MGMT: variants seen among roughly 807,000 people sequenced by gnomAD.
The protein encoded by MGMT is methylated-DNA--protein-cysteine methyltransferase.
MGMT carries 14 observed loss-of-function variants against 15.9 expected under a neutral mutation model. The ratio of observed to expected loss-of-function variants is 0.88; its 90% CI spans 0.58 to 1.37. The LOEUF (loss-of-function observed/expected upper bound fraction) is 1.37, where lower values mean the gene tolerates loss of function less well. Among genes scored for constraint, MGMT ranks in the 40% most tolerant of loss-of-function variants. The pLI is 0.00. For synonymous variants in MGMT, 130 were observed against 118.2 expected (o/e 1.10, Z -0.65); for missense variants, 282 against 268.1 (o/e 1.05, Z -0.36).
Position 129,665,257 on chromosome 10 carries a change from C to T in MGMT, c.126-42638C>T, listed in dbSNP as rs939706238. ...CCCCCAACTCACTTACCCCCACACCCGCTCACCCACCCATCCTCTCCCCTC... is the reference window on the plus strand; with the variant it reads ...CCCCCAACTCACTTACCCCCACACCTGCTCACCCACCCATCCTCTCCCCTC... On this transcript the variant is annotated intron_variant, in intron 2 of 4. Transcript: ENST00000651593. Among the ~76,000 whole-genome samples, 55 of 133,740 alleles carry T rather than the reference C, an allele frequency of 4.1e-4. No homozygotes were observed. In the East Asian group the frequency reaches 6.0e-3, roughly 15 times the overall value. 87.7% of individuals were successfully genotyped at this position (133,740 alleles called of 152,430 possible). A position where few individuals can be genotyped will look rare whatever the true frequency, so the allele number is the denominator to read the frequency against.
chr10:129,724,990 CTG>C (rs920067988), intron 3 of MGMT, among the ~76,000 whole-genome samples: 22 of 152,192 alleles, frequency 1.4e-4, no homozygotes, highest in African/African-American at 4.8e-4. Context: ...TCTGGGAGGT[CTG>C]TGAATTGTCA....
intron 3 of MGMT, among the ~76,000 whole-genome samples, chr10:129,756,820 TCCA>T (rs969994413): frequency 2.0e-5 from 3 of 152,216 alleles, no homozygotes; most frequent in African/African-American, 7.2e-5. Context: ...AAGTGATTGT[TCCA>T]GCTGCTGAGG....
At chr10:129,697,003 C>A (rs10829620) in intron 2 of MGMT, among the ~76,000 whole-genome samples, 3 of 152,040 alleles carry the variant, frequency 2.0e-5, no homozygotes, top group African/African-American at 7.2e-5. Context: ...GTTGTGTGGA[C>A]AGGTCACTGA....
chr10:129,505,376 TAG>T (rs1366256910), intron 1 of MGMT, among the ~76,000 whole-genome samples: 1 of 152,170 alleles, frequency 6.6e-6, no homozygotes, highest in Non-Finnish European at 1.5e-5. Flanking sequence ...CATGTTAAAA[TAG>T]GGGGCTGACA....
At chr10:129,672,049 G>A (rs545356665) in intron 2 of MGMT, among the ~76,000 whole-genome samples, 37 of 152,236 alleles carry the variant, frequency 2.4e-4, no homozygotes, top group African/African-American at 8.4e-4. Flanking sequence ...TACTTGTTTT[G>A]GAATGCCAGC....
rs190710818 is a variant in MGMT, at chr10:129,678,966, G to A, written c.126-28929G>A. Among the ~76,000 whole-genome samples, 44 of 152,034 alleles carry A rather than the reference G, an allele frequency of 2.9e-4. No individual in the cohort carries two copies. The East Asian group carries it at 6.8e-3, about 23-fold the overall frequency. On this transcript the variant is annotated intron_variant, in intron 2 of 4. Coordinates refer to ENST00000651593, the MANE Select transcript of MGMT (RefSeq NM_002412.5). ...TGCACACCTGTAATCCCAGCTACTC[G>A]GGAGGCTGAGGTGGGAGGATCGCTT...
chr10:129,654,931 A>G (rs1847507000), intron 2 of MGMT, among the ~76,000 whole-genome samples: 1 of 152,178 alleles, frequency 6.6e-6, no homozygotes, highest in Non-Finnish European at 1.5e-5. Context: ...GGGATTTCCC[A>G]CTGAAAATCA....
In MGMT at chr10:129,758,099, A is replaced by T. The variant is rs1185440367; in HGVS notation, c.275-1103A>T. On this transcript the variant is annotated intron_variant, in intron 3 of 4. Coordinates refer to ENST00000651593, the MANE Select transcript of MGMT (RefSeq NM_002412.5). ...ATTATGCTGATGTTTAATTTGCTTA[A>T]TGTTATAATAAAGACTAAACAGATT... Among the ~76,000 whole-genome samples, 3 of 152,224 alleles carry T rather than the reference A, an allele frequency of 2.0e-5. No individual in the cohort carries two copies. The East Asian group carries it at 5.8e-4, about 29-fold the overall frequency.
At chr10:129,761,583 T>C (rs931624851) in intron 4 of MGMT, among the ~76,000 whole-genome samples, 5 of 152,222 alleles carry the variant, frequency 3.3e-5, no homozygotes, top group African/African-American at 1.2e-4. Flanking sequence ...TCTCTATGAG[T>C]GTCTCTGTTC....
intron 3 of MGMT, among the ~76,000 whole-genome samples, chr10:129,742,939 C>T (rs1194329012): frequency 6.6e-6 from 1 of 152,242 alleles, no homozygotes; most frequent in Non-Finnish European, 1.5e-5. Flanking sequence ...TGCTCAGAGC[C>T]AGGTCATCAG....
intron 2 of MGMT, among the ~76,000 whole-genome samples, chr10:129,615,357 G>C (rs576615458): frequency 6.6e-6 from 1 of 152,076 alleles, no homozygotes; most frequent in Non-Finnish European, 1.5e-5. Context: ...CCACGGCCTC[G>C]TTCTTTTCCT....
At chr10:129,602,364 TTAA>T (rs1193682122) in intron 2 of MGMT, among the ~76,000 whole-genome samples, 1 of 152,106 alleles carries the variant, frequency 6.6e-6, no homozygotes, top group African/African-American at 2.4e-5. Context: ...GAGCTTAAAA[TTAA>T]TATAAGTACC....
intron 2 of MGMT, chr10:129,702,184 G>A (rs888777619): frequency 6.6e-6 from 1 of 152,190 alleles, no homozygotes; most frequent in Non-Finnish European, 1.5e-5. Flanking sequence ...CCCAGGGCAG[G>A]TCAGTGTTGT....
At chr10:129,730,996 C>CT (rs1390512548) in intron 3 of MGMT, among the ~76,000 whole-genome samples, 1 of 152,166 alleles carries the variant, frequency 6.6e-6, no homozygotes, top group Non-Finnish European at 1.5e-5. Flanking sequence ...TCTGGGGGAG[C>CT]TTCAAGGATG....
At position 129,533,331 on chromosome 10, in the gene MGMT, T is replaced by C. The variant is rs1442422416; in HGVS notation, c.-12-2910T>C. Among the ~76,000 whole-genome samples, 1 of 152,208 alleles carries C rather than the reference T, an allele frequency of 6.6e-6. No individual in the cohort carries two copies. The highest frequency in any genetic ancestry group is 1.5e-5 in the Non-Finnish European group (1 of 68,034). On this transcript the variant is annotated intron_variant, in intron 1 of 4. Transcript: ENST00000651593. This position sits in a 1 kb window ranked among gnomAD's most constrained non-coding sequence, Gnocchi z 4.5. ...CGTGTCAGTTTCTGACACCTGCTGT[T>C]AAGAGTGCTACCTGATGCAGGTGCT...
chr10:129,488,159 C>T (rs1589832382), intron 1 of MGMT, among the ~76,000 whole-genome samples: 3 of 152,010 alleles, frequency 2.0e-5, no homozygotes, highest in East Asian at 3.9e-4. Context: ...TGTCAGTGTT[C>T]AATGCTACAG....
chr10:129,509,840 G>A (rs4751092), intron 1 of MGMT, among the ~76,000 whole-genome samples: 150,584 of 152,374 alleles, frequency 0.99, 74,429 homozygotes, highest in Middle Eastern at 1. Flanking sequence ...GAAAGGTCCC[G>A]TAAATTGGAT....
chr10:129,508,238 C>T (rs1040538068), intron 1 of MGMT, among the ~76,000 whole-genome samples: 2 of 152,090 alleles, frequency 1.3e-5, no homozygotes, highest in Non-Finnish European at 2.9e-5. Context: ...ACCACTCCAG[C>T]CCGCCTGGAA....
chr10:129,640,871 C>T (rs1023433953), intron 2 of MGMT, among the ~76,000 whole-genome samples: 4 of 152,128 alleles, frequency 2.6e-5, no homozygotes, highest in Non-Finnish European at 4.4e-5. Context: ...GTGTTAATCT[C>T]GAAGAAATTT....
Sources: allele counts gnomAD v4.1 joint callset (sites outside exome capture counted in the v4.1 genomes callset), GRCh38; gene constraint gnomAD v4.1.1; non-coding constraint Gnocchi (gnomAD v3.1); transcripts MANE v1.5; gene names NCBI Gene and HGNC (gene_info 2026-07-23, HGNC 2026-07-21).